PCDH15: variants seen among roughly 807,000 people sequenced by gnomAD.
PCDH15 encodes the protein protocadherin-15.
In PCDH15, 129 loss-of-function variants were observed where a neutral mutation model predicts 178.5. The ratio of observed to expected loss-of-function variants is 0.72; its 90% CI spans 0.63 to 0.84. The LOEUF (loss-of-function observed/expected upper bound fraction) is 0.84, where lower values mean the gene tolerates loss of function less well. Among genes scored for constraint, PCDH15 ranks in the 40% least tolerant of loss-of-function variants. The pLI is 0.00. For synonymous variants in PCDH15, 800 were observed against 732.0 expected, an observed-to-expected ratio of 1.09 and a Z score of -1.50; for missense variants, 2,230 against 2,099.9, an observed-to-expected ratio of 1.06 and a Z score of -1.21.
chr10:55,022,033 G>T (rs1189505286), intron 2 of PCDH15, among the ~76,000 whole-genome samples: 2 of 152,084 alleles, frequency 1.3e-5, no homozygotes, highest in African/African-American at 4.8e-5. Flanking sequence ...AGGCTGGGGT[G>T]GTTAGTGGGG....
intron 1 of PCDH15, among the ~76,000 whole-genome samples, chr10:54,703,633 T>C (rs2095336312): frequency 6.6e-6 from 1 of 151,776 alleles, no homozygotes; most frequent in Admixed American, 6.6e-5. Flanking sequence ...TTCACAATAG[T>C]CACAAAAACG....
chr10:55,436,440 G>C (rs1839042331), intron 2 of PCDH15, among the ~76,000 whole-genome samples: 1 of 151,988 alleles, frequency 6.6e-6, no homozygotes, highest in South Asian at 2.1e-4. Context: ...TGACATATAA[G>C]TTATTTATAT....
At chr10:54,587,749 A>G (rs1395706794) in intron 2 of PCDH15, among the ~76,000 whole-genome samples, 2 of 152,200 alleles carry the variant, frequency 1.3e-5, no homozygotes, top group African/African-American at 4.8e-5. Context: ...GTAAACTTTA[A>G]GTCTTTAACA....
chr10:54,456,807 G>A (rs960108718), intron 3 of PCDH15, among the ~76,000 whole-genome samples: 7 of 152,090 alleles, frequency 4.6e-5, no homozygotes, highest in African/African-American at 1.2e-4. Context: ...GGTTACCCTC[G>A]TGTTGTTCTT....
chr10:53,806,338 T>C lies in PCDH15; in HGVS notation c.*241A>G, dbSNP rs1203312413. The C allele has an allele frequency of 4.9e-6, 2 of 407,892 alleles. No homozygotes were observed. Among genetic ancestry groups the C allele is most frequent in the Non-Finnish European group, 8.6e-6 (2 of 231,238 alleles). 25.3% of individuals were successfully genotyped at this position (407,892 alleles called of 1,614,324 possible). A position where few individuals can be genotyped will look rare whatever the true frequency, so the allele number is the denominator to read the frequency against. ...AAAATTCAAGACCCAACAAAACAGC[T>C]AAATGTTTAAACGATAGGTTATTTA... On this transcript the variant is annotated 3_prime_UTR_variant, in exon 38 of 38. Coordinates refer to ENST00000644397, the MANE Select transcript of PCDH15 (RefSeq NM_001384140.1).
intron 1 of PCDH15, among the ~76,000 whole-genome samples, chr10:55,213,583 A>C (rs1287166070): frequency 6.6e-6 from 1 of 151,718 alleles, no homozygotes; most frequent in East Asian, 1.9e-4. Flanking sequence ...TTTGGCATAA[A>C]TGTATCTTAT....
intron 13 of PCDH15, among the ~76,000 whole-genome samples, chr10:54,162,460 AG>A (rs2045814466): frequency 6.6e-6 from 1 of 152,218 alleles, no homozygotes; most frequent in Admixed American, 6.5e-5. Flanking sequence ...AAAAGTAATC[AG>A]TAGAAGAGAA....
chr10:54,343,280 G>T (rs547550229), intron 6 of PCDH15, among the ~76,000 whole-genome samples: 1 of 152,016 alleles, frequency 6.6e-6, no homozygotes, highest in Non-Finnish European at 1.5e-5. Context: ...TGCTGTTTTT[G>T]TGAGAGTGAG....
rs191273307 is a variant in PCDH15 at position 55,516,825 on chromosome 10, T to A, written c.-156+110800A>T. Among the ~76,000 whole-genome samples the A allele has an allele frequency of 5.5e-3, 838 of 152,194 alleles. 13 individuals are homozygous for A. Among genetic ancestry groups the A allele is most frequent in the African/African-American group, 0.018 (759 of 41,538 alleles). ...AGATCATTCAATTTAGGCAAAAAAA[T>A]TTCAGATTTTTTTTGTGAATTTGAT... is the stretch of plus-strand genomic sequence containing the variant. On this transcript the variant is annotated intron_variant, in intron 2 of 5. Coordinates refer to the PCDH15 transcript ENST00000613346.
intron 2 of PCDH15, among the ~76,000 whole-genome samples, chr10:55,385,441 AGG>A (rs1837631944): frequency 1.3e-5 from 2 of 152,130 alleles, no homozygotes; most frequent in African/African-American, 4.8e-5. Context: ...CCACTATATG[AGG>A]GACTCCAAAT....
intron 26 of PCDH15, among the ~76,000 whole-genome samples, chr10:53,881,046 CAT>C (rs60507605): frequency 2.0e-5 from 3 of 152,060 alleles, no homozygotes; most frequent in Non-Finnish European, 4.4e-5. Flanking sequence ...CACATGCACA[CAT>C]ATATAGTTAT....
At chr10:54,720,383 G>GAA (rs761620240) in intron 1 of PCDH15, among the ~76,000 whole-genome samples, 16 of 149,658 alleles carry the variant, frequency 1.1e-4, no homozygotes, top group Non-Finnish European at 2.2e-4. Context: ...AGTCAAAGTG[G>GAA]AAAAAAAAAT....
rs530399403 is a variant in PCDH15, at chr10:54,528,449, T to C, written c.92-572A>G. 46 of 1,477,384 alleles carry C rather than the reference T, an allele frequency of 3.1e-5. No individual in the cohort carries two copies. In the East Asian group the frequency reaches 1.0e-3, roughly 33 times the overall value. 91.5% of individuals were successfully genotyped at this position (1,477,384 alleles called of 1,614,324 possible). ...CATCAATGGAAGCAGATCAGAAAAATGGAAGAAAGAAAGGAAGAGAGAATA... is the reference window on the plus strand; with the variant it reads ...CATCAATGGAAGCAGATCAGAAAAACGGAAGAAAGAAAGGAAGAGAGAATA... On this transcript the variant is annotated intron_variant, in intron 2 of 37. Coordinates refer to ENST00000644397, the MANE Select transcript of PCDH15 (RefSeq NM_001384140.1).
chr10:55,607,925 G>A (rs908107619), intron 2 of PCDH15, among the ~76,000 whole-genome samples: 1 of 151,538 alleles, frequency 6.6e-6, no homozygotes, highest in Non-Finnish European at 1.5e-5. Flanking sequence ...CACACACACA[G>A]AGACAGAGAG....
intron 23 of PCDH15, among the ~76,000 whole-genome samples, chr10:53,951,460 G>T (rs1001881959): frequency 6.6e-6 from 1 of 152,122 alleles, no homozygotes; most frequent in African/African-American, 2.4e-5. Flanking sequence ...AAAGATAGTA[G>T]AGCAAGAAGG....
intron 2 of PCDH15, among the ~76,000 whole-genome samples, chr10:55,373,297 T>G (rs1004690064): frequency 6.6e-6 from 1 of 152,156 alleles, no homozygotes; most frequent in Non-Finnish European, 1.5e-5. Context: ...GAAAAATCCA[T>G]GGTATCTTTG....
At chr10:55,184,450 T>C (rs1169480371) in intron 1 of PCDH15, among the ~76,000 whole-genome samples, 1 of 151,968 alleles carries the variant, frequency 6.6e-6, no homozygotes, top group Non-Finnish European at 1.5e-5. Context: ...CAATAAACAG[T>C]CTCACTCCCC....
intron 2 of PCDH15, chr10:54,655,007 C>A (rs1198149111): frequency 1.3e-5 from 2 of 152,182 alleles, no homozygotes; most frequent in African/African-American, 4.8e-5. Flanking sequence ...GTCAGGAGAT[C>A]GAGACCATCC....
intron 28 of PCDH15, among the ~76,000 whole-genome samples, chr10:53,855,979 C>T (rs1256703903): frequency 6.8e-6 from 1 of 146,392 alleles, no homozygotes; most frequent in African/African-American, 2.5e-5. Flanking sequence ...AAAATAATGG[C>T]ATTTGCCATT....
Sources: allele counts gnomAD v4.1 joint callset (sites outside exome capture counted in the v4.1 genomes callset), GRCh38; gene constraint gnomAD v4.1.1; transcripts MANE v1.5; gene names NCBI Gene and HGNC (gene_info 2026-07-23, HGNC 2026-07-21).